The following MTUS2 variants were observed in gnomAD, a reference collection of about 807,000 sequenced individuals.
MTUS2 encodes microtubule-associated tumor suppressor candidate 2.
A neutral mutation model predicts 114.1 loss-of-function variants in MTUS2; 40 were observed. That is an observed-to-expected ratio of 0.35 (90% confidence interval 0.27 to 0.46). The LOEUF (loss-of-function observed/expected upper bound fraction) is 0.46, where lower values mean the gene tolerates loss of function less well. Among genes scored for constraint, MTUS2 ranks in the 20% least tolerant of loss-of-function variants. The pLI, the probability that MTUS2 is intolerant of heterozygous loss-of-function variation, is 1.00. For synonymous variants in MTUS2, 688 were observed against 672.0 expected (o/e 1.02, Z -0.37); for missense variants, 1,679 against 1,705.4 (o/e 0.98, Z 0.27).
At chr13:29,485,670 C>G (rs936229045) in intron 10 of MTUS2, among the ~76,000 whole-genome samples, 1 of 152,216 alleles carries the variant, frequency 6.6e-6, no homozygotes, top group African/African-American at 2.4e-5. Context: ...ACCAATGACT[C>G]AAAGGCATAC....
intron 6 of MTUS2, among the ~76,000 whole-genome samples, chr13:29,310,733 C>T (rs1049584745): frequency 6.6e-6 from 1 of 152,136 alleles, no homozygotes; most frequent in African/African-American, 2.4e-5. Flanking sequence ...AAAATCTGAC[C>T]TTTTAAATAT....
intron 4 of MTUS2, among the ~76,000 whole-genome samples, chr13:29,082,242 G>A (rs1230447516): frequency 6.6e-6 from 1 of 152,152 alleles, no homozygotes; most frequent in Non-Finnish European, 1.5e-5. Context: ...CCTGATATTG[G>A]ACTTCTAGCC....
At chr13:29,471,742 G>GCCCCCGCC (rs1555283284) in intron 9 of MTUS2, among the ~76,000 whole-genome samples, 3 of 131,602 alleles carry the variant, frequency 2.3e-5, no homozygotes, top group Non-Finnish European at 4.8e-5. Flanking sequence ...TGCAGGCCCA[G>GCCCCCGCC]CCCCCCCCGA....
intron 7 of MTUS2, among the ~76,000 whole-genome samples, chr13:29,339,263 C>T (rs1293093418): frequency 6.6e-6 from 1 of 152,174 alleles, no homozygotes; most frequent in Admixed American, 6.5e-5. Flanking sequence ...GCTGCTTCTC[C>T]TGGAAGACAC....
intron 2 of MTUS2, among the ~76,000 whole-genome samples, chr13:28,885,007 T>G (rs1472603399): frequency 6.6e-6 from 1 of 152,176 alleles, no homozygotes; most frequent in Non-Finnish European, 1.5e-5. Context: ...TTTAAGTTTT[T>G]TTTAAGGTAA....
At chr13:28,923,004 G>A (rs574947832) in intron 2 of MTUS2, among the ~76,000 whole-genome samples, 3 of 152,058 alleles carry the variant, frequency 2.0e-5, no homozygotes, top group East Asian at 1.9e-4. Context: ...TTCTGTTGTC[G>A]CACAGGTGCT....
At chr13:29,014,112 T>C (rs1885967789) in intron 2 of MTUS2, among the ~76,000 whole-genome samples, 1 of 152,190 alleles carries the variant, frequency 6.6e-6, no homozygotes. Flanking sequence ...TGTGTTGCTT[T>C]TCTCGCCTCC....
chr13:28,898,857 T>G (rs1879452453), intron 2 of MTUS2, among the ~76,000 whole-genome samples: 1 of 152,220 alleles, frequency 6.6e-6, no homozygotes, highest in Non-Finnish European at 1.5e-5. Context: ...GTGGATCATC[T>G]TTAGTTAAAT....
intron 2 of MTUS2, among the ~76,000 whole-genome samples, chr13:28,880,541 T>C (rs537478077): frequency 6.6e-6 from 1 of 152,156 alleles, no homozygotes; most frequent in Non-Finnish European, 1.5e-5. Flanking sequence ...AAAAGGAAAA[T>C]TAAACATTGA....
Position 29,034,131 on chromosome 13 carries a change from C to T in MTUS2, c.2446+6C>T, listed in dbSNP as rs764372033. On this transcript the variant is annotated splice_donor_region_variant and intron_variant, in intron 4 of 15. Coordinates refer to ENST00000612955, the MANE Select transcript of MTUS2 (RefSeq NM_001033602.4). ...CTACAGTTCCGATCCTTCAGGTAAC[C>T]GATCCAACAGTTTCTGCCTTTTCCT... 3.8e-5 allele frequency: 62 copies of T among 1,613,762 alleles called. No homozygotes were observed. In the East Asian group the frequency reaches 9.8e-4, roughly 26 times the overall value.
chr13:29,333,615 T>C (rs1005225044), intron 7 of MTUS2, among the ~76,000 whole-genome samples: 1 of 152,230 alleles, frequency 6.6e-6, no homozygotes, highest in East Asian at 1.9e-4. Context: ...GATTATGTGG[T>C]CAATTATAGA....
chr13:28,927,459 A>C (rs111929590), intron 2 of MTUS2, among the ~76,000 whole-genome samples: 4,046 of 152,210 alleles, frequency 0.027, 82 homozygotes, highest in Non-Finnish European at 0.033. Flanking sequence ...CCAGCTGCTC[A>C]GGAGGCTGAG....
intron 5 of MTUS2, among the ~76,000 whole-genome samples, chr13:29,137,485 G>A (rs1373747019): frequency 6.6e-6 from 1 of 151,734 alleles, no homozygotes; most frequent in African/African-American, 2.4e-5. Context: ...TGTATTGCTG[G>A]TTGACCTGAT....
chr13:29,369,700 C>T (rs1314283282), intron 8 of MTUS2, among the ~76,000 whole-genome samples: 2 of 152,298 alleles, frequency 1.3e-5, no homozygotes, highest in African/African-American at 2.4e-5. Context: ...ATCACTTCTG[C>T]CCTCCCAGGA....
Position 29,332,704 on chromosome 13 carries a change from G to A in MTUS2, c.2905+7993G>A, listed in dbSNP as rs368550132. 4.6e-3 allele frequency among the ~76,000 whole-genome samples: 685 copies of A among 149,100 alleles called. 5 individuals are homozygous for A. The highest frequency in any genetic ancestry group is 0.016 in the African/African-American group (638 of 40,286). On this transcript the variant is annotated intron_variant, in intron 7 of 15. Transcript: ENST00000612955. ...GGCTGGAGTGCAGTGGCGCGATCTC[G>A]GCTCACTGCAAGCTCCACCTCCTGG...
At chr13:28,914,158 C>T (rs975112252) in intron 2 of MTUS2, among the ~76,000 whole-genome samples, 2 of 149,480 alleles carry the variant, frequency 1.3e-5, no homozygotes, top group Admixed American at 6.7e-5. Flanking sequence ...CCTAGCTTTG[C>T]GGTTCTCTAG....
At chr13:29,432,394 T>C (rs897793490) in intron 8 of MTUS2, among the ~76,000 whole-genome samples, 9 of 152,176 alleles carry the variant, frequency 5.9e-5, no homozygotes, top group African/African-American at 2.2e-4. Context: ...TTGTTAGAAT[T>C]GTTGAGTTAT....
chr13:29,307,654 TC>T, intron 6 of MTUS2: 1 of 1,137,442 alleles, frequency 8.8e-7, no homozygotes, highest in South Asian at 1.2e-5. Context: ...CACCCACTCT[TC>T]CACCTTCGAC....
At chr13:29,488,428 T>A (rs1842759438) in intron 11 of MTUS2, among the ~76,000 whole-genome samples, 1 of 146,700 alleles carries the variant, frequency 6.8e-6, no homozygotes, top group Admixed American at 7.0e-5. Context: ...GTGCACTTTT[T>A]TTTTTCCTCT....
Sources: allele counts gnomAD v4.1 joint callset (sites outside exome capture counted in the v4.1 genomes callset), GRCh38; gene constraint gnomAD v4.1.1; transcripts MANE v1.5; gene names NCBI Gene and HGNC (gene_info 2026-07-23, HGNC 2026-07-21).